MAF: variants seen among roughly 807,000 people sequenced by gnomAD.
The protein encoded by MAF is MAF bZIP transcription factor.
MAF carries 10 observed loss-of-function variants against 22.0 expected under a neutral mutation model. That is an observed-to-expected ratio of 0.45 (90% CI 0.28 to 0.77). MAF has a LOEUF of 0.77. Among genes scored for constraint, MAF ranks in the 30% least tolerant of loss-of-function variants. MAF has a pLI of 0.12. For synonymous variants in MAF, 337 were observed against 255.8 expected, an observed-to-expected ratio of 1.32 and a Z score of -3.03; for missense variants, 544 against 548.4, an observed-to-expected ratio of 0.99 and a Z score of 0.08.
At chr16:79,349,544 C>A in the MAF span, among the ~76,000 whole-genome samples, 1 of 152,190 alleles carries the variant, frequency 6.6e-6, no homozygotes, top group Non-Finnish European at 1.5e-5. Context: ...TAACCACCAG[C>A]AGACACCAGA....
chr16:79,202,726 G>C, the MAF span: 1 of 152,134 alleles, frequency 6.6e-6, no homozygotes, highest in African/African-American at 2.4e-5. Context: ...TATTATAAAA[G>C]TACCTGAAAT....
At chr16:79,462,698 A>G in the MAF span, among the ~76,000 whole-genome samples, 3 of 152,216 alleles carry the variant, frequency 2.0e-5, no homozygotes, top group African/African-American at 7.2e-5. Flanking sequence ...CACTTGGGCC[A>G]TGTTAACATT....
At chr16:79,350,532 A>ATCACC in the MAF span, among the ~76,000 whole-genome samples, 1 of 152,156 alleles carries the variant, frequency 6.6e-6, no homozygotes, top group Non-Finnish European at 1.5e-5. Context: ...GTTAAACGTG[A>ATCACC]TCACCTGACT....
At chr16:79,526,091 A>C in the MAF span, among the ~76,000 whole-genome samples, 42 of 152,330 alleles carry the variant, frequency 2.8e-4, no homozygotes, top group African/African-American at 9.6e-4. Context: ...GACCCCCATG[A>C]ATCTTCCTGC....
the MAF span, among the ~76,000 whole-genome samples, chr16:79,431,717 TTG>T: frequency 4.6e-5 from 7 of 152,194 alleles, no homozygotes; most frequent in South Asian, 2.1e-4. Context: ...GTGATTTCAT[TTG>T]CATCACTAGC....
the MAF span, among the ~76,000 whole-genome samples, chr16:79,354,444 T>C: frequency 1.3e-5 from 2 of 152,146 alleles, no homozygotes; most frequent in Non-Finnish European, 2.9e-5. Flanking sequence ...AGGCCACATG[T>C]ACCTTTCGGC....
the MAF span, among the ~76,000 whole-genome samples, chr16:79,369,644 G>A: frequency 2.0e-5 from 3 of 152,320 alleles, no homozygotes; most frequent in Admixed American, 6.5e-5. Context: ...AACTTTGGGG[G>A]AATTGTGCTG....
At chr16:79,212,059 C>CCTGG in the MAF span, 64 of 1,535,820 alleles carry the variant, frequency 4.2e-5, no homozygotes, top group Non-Finnish European at 5.5e-5. Flanking sequence ...TAAAAACCTG[C>CCTGG]TTGGTGTGTA....
the MAF span, among the ~76,000 whole-genome samples, chr16:79,550,337 GGAGA>G: frequency 2.0e-5 from 3 of 150,104 alleles, no homozygotes; most frequent in Admixed American, 6.6e-5. Flanking sequence ...TAGGGGGAAA[GGAGA>G]GAGAGAGAGA....
the MAF span, among the ~76,000 whole-genome samples, chr16:79,320,297 G>A: frequency 6.6e-6 from 1 of 152,198 alleles, no homozygotes; most frequent in Non-Finnish European, 1.5e-5. Context: ...AAAGGAGAAA[G>A]CTGCTCCCAT....
the MAF span, among the ~76,000 whole-genome samples, chr16:79,465,774 G>C: frequency 2.0e-5 from 3 of 152,110 alleles, no homozygotes; most frequent in Admixed American, 6.5e-5. Context: ...CAGCAAAGAG[G>C]GAGCTGTAGT....
chr16:79,474,898 A>G, the MAF span, among the ~76,000 whole-genome samples: 1 of 152,202 alleles, frequency 6.6e-6, no homozygotes, highest in Non-Finnish European at 1.5e-5. Context: ...GTGATTCACC[A>G]TCATCTAATT....
the MAF span, among the ~76,000 whole-genome samples, chr16:79,561,062 T>A: frequency 6.6e-6 from 1 of 152,216 alleles, no homozygotes; most frequent in Non-Finnish European, 1.5e-5. Context: ...GTCTTTGCTT[T>A]CATCCCAAGA....
the MAF span, among the ~76,000 whole-genome samples, chr16:79,489,849 C>T: frequency 2.0e-5 from 3 of 152,186 alleles, no homozygotes; most frequent in Non-Finnish European, 4.4e-5. Flanking sequence ...GCTTTTCTAA[C>T]GGTGACTCTG....
chr16:79,403,678 G>C, the MAF span, among the ~76,000 whole-genome samples: 1 of 152,226 alleles, frequency 6.6e-6, no homozygotes, highest in East Asian at 1.9e-4. Context: ...ACCATGGTGA[G>C]ATTATTTACT....
At chr16:79,402,605 G>A in the MAF span, among the ~76,000 whole-genome samples, 1 of 152,226 alleles carries the variant, frequency 6.6e-6, no homozygotes, top group East Asian at 1.9e-4. Flanking sequence ...CCAGAGGAAG[G>A]CCAAGGTTAG....
chr16:79,246,966 T>A, the MAF span, among the ~76,000 whole-genome samples: 3 of 152,198 alleles, frequency 2.0e-5, no homozygotes, highest in South Asian at 6.2e-4. Context: ...GGAGACAGAG[T>A]AAACAACCAA....
the MAF span, among the ~76,000 whole-genome samples, chr16:79,245,340 G>C: frequency 3.3e-5 from 5 of 151,924 alleles, no homozygotes; most frequent in East Asian, 9.6e-4. Flanking sequence ...CTAATACCTG[G>C]AATCTACAGA....
At chr16:79,502,694 TAA>T in the MAF span, among the ~76,000 whole-genome samples, 138 of 18,180 alleles carry the variant, frequency 7.6e-3, 7 homozygotes, top group African/African-American at 0.02. Flanking sequence ...AATATAAATA[TAA>T]ATATAAATAT....
Sources: gnomAD v4.1 joint callset for allele counts (sites outside exome capture counted in the v4.1 genomes callset) on GRCh38, gnomAD v4.1.1 for gene constraint, MANE v1.5 for transcripts, NCBI Gene and HGNC (gene_info 2026-07-23, HGNC 2026-07-21) for gene names.